RPSA2: variants seen among roughly 807,000 people sequenced by gnomAD.
RPSA2 encodes ribosomal protein SA 2.
the RPSA2 span, among the ~76,000 whole-genome samples, chr19:23,851,927 T>A: frequency 2.0e-5 from 3 of 152,222 alleles, no homozygotes; most frequent in African/African-American, 7.2e-5. Flanking sequence ...TTGAGCCGAT[T>A]TAAATGAACC....
chr19:23,828,922 G>C, the RPSA2 span, among the ~76,000 whole-genome samples: 5 of 140,536 alleles, frequency 3.6e-5, no homozygotes, highest in African/African-American at 1.3e-4. Context: ...TATATACTTG[G>C]AACCCTAATG....
At chr19:23,759,140 G>T in the RPSA2 span, among the ~76,000 whole-genome samples, 3 of 151,996 alleles carry the variant, frequency 2.0e-5, no homozygotes, top group Non-Finnish European at 4.4e-5. Context: ...TTAACCTTCT[G>T]TGTAAGGTCA....
At chr19:23,868,362 TTTC>T in the RPSA2 span, among the ~76,000 whole-genome samples, 6 of 152,308 alleles carry the variant, frequency 3.9e-5, no homozygotes, top group Admixed American at 2.0e-4. Context: ...CATATGGAGA[TTTC>T]TAAACAATTA....
the RPSA2 span, among the ~76,000 whole-genome samples, chr19:23,798,053 A>G: frequency 2.0e-5 from 3 of 151,584 alleles, no homozygotes; most frequent in Non-Finnish European, 4.4e-5. Context: ...AATCTTTGTT[A>G]TGTATTTATT....
the RPSA2 span, among the ~76,000 whole-genome samples, chr19:23,778,864 C>A: frequency 6.6e-6 from 1 of 151,924 alleles, no homozygotes; most frequent in South Asian, 2.1e-4. Flanking sequence ...CTTTACTCAG[C>A]CCCTAGGTTA....
chr19:23,808,717 A>G, the RPSA2 span: 2 of 696,804 alleles, frequency 2.9e-6, no homozygotes, highest in South Asian at 1.4e-5. Context: ...TTAATAAAAC[A>G]GGTATTACTG....
At chr19:23,814,429 G>C in the RPSA2 span, among the ~76,000 whole-genome samples, 1 of 151,938 alleles carries the variant, frequency 6.6e-6, no homozygotes, top group Non-Finnish European at 1.5e-5. Flanking sequence ...GTTATTTCTG[G>C]GCTCTCTGTT....
the RPSA2 span, among the ~76,000 whole-genome samples, chr19:23,836,933 A>T: frequency 6.6e-6 from 1 of 152,106 alleles, no homozygotes; most frequent in Non-Finnish European, 1.5e-5. Context: ...TCTCTGAGTT[A>T]TCTGTCTATT....
At chr19:23,840,865 G>C in the RPSA2 span, among the ~76,000 whole-genome samples, 1 of 151,352 alleles carries the variant, frequency 6.6e-6, no homozygotes, top group Non-Finnish European at 1.5e-5. Context: ...GGGAGGCTGA[G>C]GCAGGAGAAT....
chr19:23,824,580 C>CTTTCTTTCTTTTTTTTTT, the RPSA2 span, among the ~76,000 whole-genome samples: 1 of 63,820 alleles, frequency 1.6e-5, no homozygotes, highest in African/African-American at 6.1e-5. Flanking sequence ...TATAGCATTT[C>CTTTCTTTCTTTTTTTTTT]TTTTTTTTTT....
chr19:23,832,123 GAAGAAAA>G, the RPSA2 span: 1 of 428,104 alleles, frequency 2.3e-6, no homozygotes, highest in Non-Finnish European at 4.7e-6. Context: ...AATTTGTGCT[GAAGAAAA>G]ACTTTACAGA....
At chr19:23,856,196 T>A in the RPSA2 span, among the ~76,000 whole-genome samples, 2 of 151,974 alleles carry the variant, frequency 1.3e-5, no homozygotes, top group Non-Finnish European at 2.9e-5. Context: ...GTTATGGGAT[T>A]GGTATGTCAT....
chr19:23,869,162 G>C, the RPSA2 span, among the ~76,000 whole-genome samples: 14 of 152,234 alleles, frequency 9.2e-5, 1 homozygote, highest in African/African-American at 2.9e-4. Flanking sequence ...CGTGATCAGG[G>C]AGCATGGGCT....
the RPSA2 span, among the ~76,000 whole-genome samples, chr19:23,838,005 A>C: frequency 6.6e-6 from 1 of 152,176 alleles, no homozygotes; most frequent in Admixed American, 6.5e-5. Flanking sequence ...GAGAGTGGGC[A>C]CCCTTGTCTT....
chr19:23,871,176 G>A, the RPSA2 span, among the ~76,000 whole-genome samples: 35 of 152,238 alleles, frequency 2.3e-4, no homozygotes, highest in African/African-American at 8.2e-4. Flanking sequence ...TTTTGTCTTT[G>A]TCTTTATTCC....
At chr19:23,767,193 C>T in the RPSA2 span, among the ~76,000 whole-genome samples, 3 of 152,100 alleles carry the variant, frequency 2.0e-5, no homozygotes, top group African/African-American at 7.2e-5. Context: ...CCACCTGCCT[C>T]GCCCTCCCAA....
the RPSA2 span, among the ~76,000 whole-genome samples, chr19:23,866,022 G>C: frequency 6.6e-6 from 1 of 152,104 alleles, no homozygotes; most frequent in South Asian, 2.1e-4. Flanking sequence ...TGCAGACCAG[G>C]CTAGGCAGAA....
At chr19:23,795,143 A>G in the RPSA2 span, among the ~76,000 whole-genome samples, 1 of 147,942 alleles carries the variant, frequency 6.8e-6, no homozygotes, top group Non-Finnish European at 1.5e-5. Context: ...GCTTATGATT[A>G]CCTTGGCTAT....
the RPSA2 span, among the ~76,000 whole-genome samples, chr19:23,853,302 G>T: frequency 6.6e-6 from 1 of 152,246 alleles, no homozygotes; most frequent in Non-Finnish European, 1.5e-5. Flanking sequence ...GGCTCCCATA[G>T]GTTTAATTAC....
Sources: gnomAD v4.1 joint callset for allele counts (sites outside exome capture counted in the v4.1 genomes callset) on GRCh38, gnomAD v4.1.1 for gene constraint, MANE v1.5 for transcripts, NCBI Gene and HGNC (gene_info 2026-07-23, HGNC 2026-07-21) for gene names.